Variants in GOLM2 observed in about 807,000 individuals in gnomAD.
GOLM2 encodes protein GOLM2.
A neutral mutation model predicts 55.9 loss-of-function variants in GOLM2; 26 were observed. The ratio of observed to expected loss-of-function variants is 0.47; its 90% CI spans 0.34 to 0.65. The LOEUF (loss-of-function observed/expected upper bound fraction) is 0.65. Ranked by LOEUF, GOLM2 falls within the 30% of genes least tolerant of loss-of-function variation. GOLM2 has a pLI of 0.01. For missense variants in GOLM2, 486 were observed against 531.8 expected (o/e 0.91, Z 0.85); for synonymous variants, 165 against 194.6 (o/e 0.85, Z 1.27).
intron 6 of GOLM2, among the ~76,000 whole-genome samples, chr15:44,339,473 G>C (rs554684552): frequency 5.9e-5 from 9 of 151,924 alleles, no homozygotes; most frequent in African/African-American, 1.9e-4. Context: ...TGAGTAGCTG[G>C]GATTACAGGT....
chr15:44,349,957 C>G (rs151305449), intron 6 of GOLM2, among the ~76,000 whole-genome samples: 3 of 152,136 alleles, frequency 2.0e-5, no homozygotes, highest in African/African-American at 7.2e-5. Flanking sequence ...ATAATGGAAA[C>G]ACAATATACC....
chr15:44,377,199 C>A (rs369697395), intron 6 of GOLM2, among the ~76,000 whole-genome samples: 1 of 152,002 alleles, frequency 6.6e-6, no homozygotes, highest in South Asian at 2.1e-4. Flanking sequence ...ATAGTAAGAC[C>A]TCGTCTCTAC....
At chr15:44,376,991 A>C (rs1176857870) in intron 6 of GOLM2, among the ~76,000 whole-genome samples, 1 of 152,204 alleles carries the variant, frequency 6.6e-6, no homozygotes, top group African/African-American at 2.4e-5. Flanking sequence ...ATAGAAATCA[A>C]AGTGTTTACA....
In GOLM2 at chr15:44,414,220, T is replaced by TA. The variant is rs1284811343; in HGVS notation, c.*815dup. The TA allele has an allele frequency of 6.6e-6, 1 of 152,228 alleles. No individual in the cohort carries two copies. Among genetic ancestry groups the TA allele is most frequent in the African/African-American group, 2.4e-5 (1 of 41,446 alleles). 9.4% of individuals were successfully genotyped at this position (152,228 alleles called of 1,614,324 possible). A position where few individuals can be genotyped will look rare whatever the true frequency, so the allele number is the denominator to read the frequency against. On this transcript the variant is annotated 3_prime_UTR_variant, in exon 10 of 10. Transcript: ENST00000299957. Reference sequence around the variant, plus strand: ...CTCAAGGAGTCATACCTAGAATAGTTACACACAAGAGGGAAACTGGAAGCC... The same window carrying TA: ...CTCAAGGAGTCATACCTAGAATAGTTAACACACAAGAGGGAAACTGGAAGCC...
chr15:44,320,116 A>G (rs1324192635), intron 1 of GOLM2, among the ~76,000 whole-genome samples: 4 of 151,896 alleles, frequency 2.6e-5, no homozygotes, highest in Non-Finnish European at 1.5e-5. Context: ...CCACTAATCT[A>G]CTTTCTTTCT....
At chr15:44,398,710 G>C (rs887477002) in intron 8 of GOLM2, among the ~76,000 whole-genome samples, 1 of 132,724 alleles carries the variant, frequency 7.5e-6, no homozygotes. Context: ...TTGTTGCCCA[G>C]GCTGGAGTGC....
chr15:44,410,406 G>T (rs1052297518), intron 9 of GOLM2, among the ~76,000 whole-genome samples: 1 of 152,234 alleles, frequency 6.6e-6, no homozygotes, highest in Non-Finnish European at 1.5e-5. Flanking sequence ...GCTCCAGCCT[G>T]GGCGACCCAG....
intron 1 of GOLM2, among the ~76,000 whole-genome samples, chr15:44,314,611 T>G (rs2141123330): frequency 6.6e-6 from 1 of 151,922 alleles, no homozygotes; most frequent in East Asian, 1.9e-4. Context: ...ATACTAAAAC[T>G]TGGTTTAAGA....
intron 1 of GOLM2, among the ~76,000 whole-genome samples, chr15:44,306,732 G>A (rs1315305923): frequency 2.6e-5 from 4 of 152,102 alleles, no homozygotes; most frequent in Admixed American, 6.6e-5. Flanking sequence ...TTGTAGTATC[G>A]TTTTGTCTCA....
At chr15:44,330,071 C>T (rs1225107481) in intron 3 of GOLM2, among the ~76,000 whole-genome samples, 5 of 150,770 alleles carry the variant, frequency 3.3e-5, no homozygotes, top group African/African-American at 4.9e-5. Context: ...CCACCACGCC[C>T]GGCTAATTTT....
chr15:44,371,033 G>A (rs531236795), intron 6 of GOLM2, among the ~76,000 whole-genome samples: 1 of 152,230 alleles, frequency 6.6e-6, no homozygotes, highest in South Asian at 2.1e-4. Flanking sequence ...GTCTCACCCT[G>A]TGCATACACA....
At chr15:44,392,898 G>C (rs117654825) in intron 8 of GOLM2, among the ~76,000 whole-genome samples, 1,757 of 152,236 alleles carry the variant, frequency 0.012, 40 homozygotes, top group East Asian at 0.087. Flanking sequence ...TAACTCGATA[G>C]AGTATTTTAA....
At chr15:44,295,170 G>A (rs1273705933) in intron 1 of GOLM2, among the ~76,000 whole-genome samples, 2 of 150,660 alleles carry the variant, frequency 1.3e-5, no homozygotes, top group Non-Finnish European at 3.0e-5. Flanking sequence ...ACCTCCACCC[G>A]CCGGGCTGAA....
At chr15:44,304,151 G>A (rs1840898972) in intron 1 of GOLM2, among the ~76,000 whole-genome samples, 1 of 150,806 alleles carries the variant, frequency 6.6e-6, no homozygotes, top group South Asian at 2.1e-4. Flanking sequence ...TGGGATTACA[G>A]GCATAAACCA....
intron 6 of GOLM2, 52 bp downstream of exon 6, chr15:44,338,369 T>C (rs371978300): frequency 1.6e-5 from 21 of 1,327,334 alleles, no homozygotes; most frequent in East Asian, 2.3e-5. Flanking sequence ...ATACATTTCA[T>C]GTGACCCCAT....
chr15:44,328,659 CT>C (rs2079000752), intron 2 of GOLM2, 25 bp from the exon 3 acceptor site: 4 of 1,541,638 alleles, frequency 2.6e-6, no homozygotes, highest in African/African-American at 2.7e-5. Flanking sequence ...AACTTGATTC[CT>C]TTGGTTCTTA....
At chr15:44,370,155 C>G (rs1392894230) in intron 6 of GOLM2, among the ~76,000 whole-genome samples, 3 of 152,144 alleles carry the variant, frequency 2.0e-5, no homozygotes, top group Non-Finnish European at 4.4e-5. Flanking sequence ...TCTGCCTTCC[C>G]CAGCCCACTG....
intron 4 of GOLM2, among the ~76,000 whole-genome samples, chr15:44,332,591 C>G (rs1461842189): frequency 1.3e-5 from 2 of 151,790 alleles, no homozygotes; most frequent in Non-Finnish European, 2.9e-5. Context: ...TAATTTTGAA[C>G]CAAAATATCC....
At chr15:44,400,044 TC>T (rs2079554466) in intron 8 of GOLM2, among the ~76,000 whole-genome samples, 1 of 151,712 alleles carries the variant, frequency 6.6e-6, no homozygotes, top group Admixed American at 6.6e-5. Flanking sequence ...TATATTGACA[TC>T]ATTTATTTTA....
Sources: allele counts gnomAD v4.1 joint callset (sites outside exome capture counted in the v4.1 genomes callset), GRCh38; gene constraint gnomAD v4.1.1; transcripts MANE v1.5; gene names NCBI Gene and HGNC (gene_info 2026-07-23, HGNC 2026-07-21).